ATG16L2: variants seen among roughly 807,000 people sequenced by gnomAD.
ATG16L2 encodes the protein autophagy related 16 like 2, also known as protein Atg16l2.
A neutral mutation model predicts 84.7 loss-of-function variants in ATG16L2; 77 were observed. The ratio of observed to expected loss-of-function variants is 0.91; its 90% CI spans 0.76 to 1.10. The LOEUF (loss-of-function observed/expected upper bound fraction) is 1.10, where lower values mean the gene tolerates loss of function less well. Ranked by LOEUF, ATG16L2 falls within the 50% of genes least tolerant of loss-of-function variation. The pLI, the probability that ATG16L2 is intolerant of heterozygous loss-of-function variation, is 0.00. For missense variants in ATG16L2, 782 were observed against 817.6 expected (o/e 0.96, Z 0.53); for synonymous variants, 361 against 342.8 (o/e 1.05, Z -0.59).
In ATG16L2 at chr11:72,843,064, CTTT is replaced by C; in HGVS notation, c.*472_*474del. The C allele has an allele frequency of 2.3e-6, 3 of 1,325,674 alleles. No homozygotes were observed. The Admixed American group carries it at 6.0e-5, about 27-fold the overall frequency. The allele number at this position is 1,325,674 out of a possible 1,614,324, so 82.1% of individuals were successfully genotyped here. The stretch of plus-strand genomic sequence containing the variant: ...ATTATAGGACAGGAGGAAAGTTGTG[CTTT>C]TTATCCTACTGAAGGCTTACTCCAG... On this transcript the variant is annotated 3_prime_UTR_variant, in exon 6 of 6. Transcript: ENST00000534905.
chr11:72,829,529 T>G lies in ATG16L2; in HGVS notation c.*139T>G. ...GAAGGCCTGGCAGGACCTGGCCTGT[T>G]TGTTTAAAAATGAAGTATGGGTTGG... On this transcript the variant is annotated 3_prime_UTR_variant, in exon 18 of 18. Coordinates refer to ENST00000321297, the MANE Select transcript of ATG16L2 (RefSeq NM_033388.2). 7.1e-7 allele frequency: 1 copy of G among 1,416,482 alleles called. No homozygotes were observed. The highest frequency in any genetic ancestry group is 2.9e-5 in the Admixed American group (1 of 34,538). The allele number at this position is 1,416,482 out of a possible 1,614,324, so 87.7% of individuals were successfully genotyped here. A position where few individuals can be genotyped will look rare whatever the true frequency, so the allele number is the denominator to read the frequency against.
At chr11:72,814,619 C>G (rs1859598042) in intron 1 of ATG16L2, 56 bp downstream of exon 1, 1 of 1,436,650 alleles carries the variant, frequency 7.0e-7, no homozygotes, top group East Asian at 2.7e-5. Context: ...GCTACGGGCG[C>G]GGGGAGAGGG....
intron 5 of ATG16L2, chr11:72,836,717 AC>A (rs1860739320): frequency 6.6e-6 from 1 of 152,490 alleles, no homozygotes; most frequent in African/African-American, 2.4e-5. Flanking sequence ...GTTTACCCAA[AC>A]CTTTCTATAT....
At chr11:72,817,178 G>A (rs1315696577) in intron 2 of ATG16L2, among the ~76,000 whole-genome samples, 2 of 152,000 alleles carry the variant, frequency 1.3e-5, no homozygotes, top group African/African-American at 4.8e-5. Context: ...GCTACCTGTT[G>A]CAAAGAGGGA....
rs751227206 is a variant in ATG16L2, at chr11:72,826,603, G to A, written c.1245+14G>A. The A allele has an allele frequency of 1.3e-5, 21 of 1,614,022 alleles. No homozygotes were observed. Among genetic ancestry groups the A allele is most frequent in the Non-Finnish European group, 1.8e-5 (21 of 1,180,010 alleles). On this transcript the variant is annotated intron_variant, in intron 12 of 17. Coordinates refer to ENST00000321297, the MANE Select transcript of ATG16L2 (RefSeq NM_033388.2). ...GCACAGTCCAAGGTGAGGCCTGACT[G>A]GGGAGGCTGCCTGGAGGTCAGAGGT... is the stretch of plus-strand genomic sequence containing the variant.
chr11:72,831,879 T>C (rs970624113), downstream of ATG16L2, among the ~76,000 whole-genome samples: 5 of 152,204 alleles, frequency 3.3e-5, no homozygotes, highest in African/African-American at 7.2e-5. Flanking sequence ...GCATTACACA[T>C]ACTCTTTTTA....
Position 72,822,938 on chromosome 11 carries a change from T to TG in ATG16L2, c.802dup (p.Glu268GlyfsTer31). 1.3e-6 allele frequency: 2 copies of TG among 1,573,216 alleles called. No homozygotes were observed. Among genetic ancestry groups the TG allele is most frequent in the Non-Finnish European group, 1.7e-6 (2 of 1,158,598 alleles). Reference sequence around the variant, plus strand: ...CAGAGCCCCTGGAGAAGGAAGCTTGTGAGAAGTGGAAGAGGCCCTTCAGGT... The same window carrying TG: ...CAGAGCCCCTGGAGAAGGAAGCTTGTGGAGAAGTGGAAGAGGCCCTTCAGGT... On this transcript the variant is annotated frameshift_variant, in exon 7 of 18. Coordinates refer to ENST00000321297, the MANE Select transcript of ATG16L2 (RefSeq NM_033388.2). LOFTEE classifies it high-confidence loss of function. This position sits in a 1 kb window ranked among gnomAD's most constrained non-coding sequence, Gnocchi z 4.2.
chr11:72,842,975 T>C, exon 6 of ATG16L2: 1 of 875,722 alleles, frequency 1.1e-6, no homozygotes, highest in Admixed American at 2.7e-5. Flanking sequence ...TTTTACTCAC[T>C]GATGAATGAT....
At chr11:72,816,352 A>C in intron 1 of ATG16L2, 1 of 171,092 alleles carries the variant, frequency 5.8e-6, no homozygotes, top group Non-Finnish European at 1.3e-5. Context: ...ATTGACAGGT[A>C]GAGCTCGGTT....
In ATG16L2 at chr11:72,828,963, G is replaced by A. The variant is rs750448491; in HGVS notation, c.1751G>A (p.Ser584Asn). The stretch of plus-strand genomic sequence containing the variant: ...GATGTGGACACCGGGAAACTGGAGA[G>A]CAGACTACAGGGACCCCATTGGTGA... ...IWDVDTGKLE[S>N]RLQGPHCAAV... The change falls in exon 17 of 18, where the codon AGC (serine) becomes AAC (asparagine). Residue 584 changes from serine to asparagine, a missense_variant. Ser to Asn is a conservative substitution (Grantham distance 46). Transcript: ENST00000321297. The A allele has an allele frequency of 1.2e-6, 2 of 1,614,144 alleles. No individual in the cohort carries two copies. Among genetic ancestry groups the A allele is most frequent in the Non-Finnish European group, 1.7e-6 (2 of 1,180,012 alleles).
In ATG16L2 at chr11:72,822,481, C is replaced by T; in HGVS notation, c.648C>T (p.Ala216=). 6.2e-7 allele frequency: 1 copy of T among 1,613,046 alleles called. No homozygotes were observed. The highest frequency in any genetic ancestry group is 1.7e-4 in the Middle Eastern group (1 of 6,054). ...RNLRNERRER[A]KQARVSQELK... ...AGGATGCTTTTTACCCAACAAGGGCCAAGCAGGCGCGGGTGTCCCAGGAGC... is the reference window on the plus strand; with the variant it reads ...AGGATGCTTTTTACCCAACAAGGGCTAAGCAGGCGCGGGTGTCCCAGGAGC... Residue 216 remains alanine, a synonymous_variant, in exon 6 of 18, where the codon GCC becomes GCT. Coordinates refer to ENST00000321297, the MANE Select transcript of ATG16L2 (RefSeq NM_033388.2). The surrounding 1 kb of genome is among the most constrained non-coding windows in gnomAD (Gnocchi z 4.2).
chr11:72,821,805 C>T (rs1415335183), intron 4 of ATG16L2, 64 bp downstream of exon 4: 4 of 1,504,114 alleles, frequency 2.7e-6, no homozygotes, highest in Admixed American at 2.1e-5. Context: ...GCCAACTATA[C>T]GGGAGGCGGG....
exon 6 of ATG16L2, chr11:72,843,098 T>C (rs1861013423): frequency 6.4e-7 from 1 of 1,563,492 alleles, no homozygotes; most frequent in South Asian, 1.1e-5. Context: ...TCCAGGGCAA[T>C]ACAGTTTAGG....
chr11:72,829,161 C>A, intron 17 of ATG16L2, 142 bp from the exon 18 acceptor site: 1 of 1,111,952 alleles, frequency 9.0e-7, no homozygotes, highest in Non-Finnish European at 1.3e-6. Flanking sequence ...ATCCTTTCCA[C>A]AGCCCTGTGA....
chr11:72,814,723 C>A (rs1349524570), intron 1 of ATG16L2, among the ~76,000 whole-genome samples, 160 bp downstream of exon 1: 6 of 152,244 alleles, frequency 3.9e-5, no homozygotes, highest in Non-Finnish European at 7.3e-5. Context: ...GACTCCGCCC[C>A]TTGCCATCCA....
At chr11:72,830,058 G>A (rs1458831662), downstream of ATG16L2, among the ~76,000 whole-genome samples, 2 of 152,180 alleles carry the variant, frequency 1.3e-5, no homozygotes, top group Admixed American at 6.5e-5. Context: ...CTGGGTCCGC[G>A]TTCTTCCTCC....
rs1468953485 is a variant in ATG16L2, at chr11:72,828,971, C to T, written c.1759C>T (p.Gln587Ter). Reference sequence around the variant, plus strand: ...CACCGGGAAACTGGAGAGCAGACTACAGGGACCCCATTGGTGAGCATGGCC... The same window carrying T: ...CACCGGGAAACTGGAGAGCAGACTATAGGGACCCCATTGGTGAGCATGGCC... ...VDTGKLESRLQGPHCAAVNAV... is the reference protein window; with the variant it reads ...VDTGKLESRL The change falls in exon 17 of 18, where the codon CAG becomes TAG. Residue 587 changes from glutamine to a stop codon, truncating the protein, a stop_gained. Transcript: ENST00000321297. LOFTEE classifies it high-confidence loss of function. The T allele has an allele frequency of 6.2e-7, 1 of 1,614,144 alleles. No individual in the cohort carries two copies. Among genetic ancestry groups the T allele is most frequent in the Non-Finnish European group, 8.5e-7 (1 of 1,179,996 alleles).
chr11:72,821,281 C>T (rs1859976393), intron 3 of ATG16L2: 1 of 1,023,002 alleles, frequency 9.8e-7, no homozygotes. Context: ...CGCCCGAGGG[C>T]CGGATGGGCA....
chr11:72,841,340 C>CAAAAAA (rs59748827), intron 5 of ATG16L2: 85 of 373,812 alleles, frequency 2.3e-4, no homozygotes, highest in East Asian at 3.8e-4. Context: ...ACTCTGTCTC[C>CAAAAAA]AAAAAAAAAA....
Sources: gnomAD v4.1 joint callset for allele counts (sites outside exome capture counted in the v4.1 genomes callset) on GRCh38, gnomAD v4.1.1 for gene constraint, Gnocchi (gnomAD v3.1) non-coding constraint, MANE v1.5 for transcripts, NCBI Gene and HGNC (gene_info 2026-07-23, HGNC 2026-07-21) for gene names.